Variants in SDK2 observed in about 807,000 individuals in gnomAD.
The protein encoded by SDK2 is sidekick cell adhesion molecule 2.
SDK2 carries 105 observed loss-of-function variants against 253.9 expected under a neutral mutation model. The observed-to-expected ratio is 0.41, with a 90% CI of 0.35 to 0.49. The LOEUF (loss-of-function observed/expected upper bound fraction) is 0.49. Ranked by LOEUF, SDK2 falls within the 20% of genes least tolerant of loss-of-function variation. The pLI is 0.06. For missense variants in SDK2, 2,608 were observed against 3,003.0 expected, an observed-to-expected ratio of 0.87 and a Z score of 3.07; for synonymous variants, 1,249 against 1,234.9, an observed-to-expected ratio of 1.01 and a Z score of -0.24.
intron 1 of SDK2, among the ~76,000 whole-genome samples, chr17:73,634,148 A>G (rs1038549649): frequency 7.2e-5 from 11 of 152,202 alleles, no homozygotes; most frequent in Non-Finnish European, 1.2e-4. Flanking sequence ...TTAGAGAAAG[A>G]AGAGGCCAGC....
rs547651508 is a variant in SDK2, at chr17:73,381,451, G to A, written c.4706-501C>T. 4.6e-5 allele frequency among the ~76,000 whole-genome samples: 7 copies of A among 151,024 alleles called. No homozygotes were observed. In the South Asian group the frequency reaches 1.3e-3, roughly 27 times the overall value. ...GAAGGAAAAAAAGTCCACCAAAAACGCAAGCTGTTGGATCAGCTACTTCAG... is the reference window on the plus strand; with the variant it reads ...GAAGGAAAAAAAGTCCACCAAAAACACAAGCTGTTGGATCAGCTACTTCAG... On this transcript the variant is annotated intron_variant, in intron 33 of 44. Transcript: ENST00000392650.
At chr17:73,370,703 G>A (rs565401767) in intron 36 of SDK2, among the ~76,000 whole-genome samples, 4 of 152,212 alleles carry the variant, frequency 2.6e-5, no homozygotes, top group African/African-American at 9.6e-5. Flanking sequence ...GACTACATGA[G>A]TGCTACCACA....
At chr17:73,390,895 C>T (rs1190539285) in intron 28 of SDK2, among the ~76,000 whole-genome samples, 5 of 152,210 alleles carry the variant, frequency 3.3e-5, no homozygotes, top group Admixed American at 6.5e-5. Flanking sequence ...TGCGTGAGGT[C>T]AGGACTGAGA....
At chr17:73,463,789 G>A (rs971371725) in intron 3 of SDK2, among the ~76,000 whole-genome samples, 34 of 152,144 alleles carry the variant, frequency 2.2e-4, no homozygotes, top group African/African-American at 6.8e-4. Flanking sequence ...GGAATTCTGT[G>A]GATCACGCTT....
At chr17:73,442,932 C>T (rs969839325) in intron 5 of SDK2, among the ~76,000 whole-genome samples, 2 of 150,572 alleles carry the variant, frequency 1.3e-5, no homozygotes, top group African/African-American at 2.4e-5. Context: ...AGATTTTCAT[C>T]TTGATGGGTC....
intron 1 of SDK2, among the ~76,000 whole-genome samples, chr17:73,634,243 A>G (rs2046304098): frequency 6.6e-6 from 1 of 152,230 alleles, no homozygotes; most frequent in Non-Finnish European, 1.5e-5. Flanking sequence ...TGGGTCCACC[A>G]GCCCAAAGCA....
At chr17:73,506,318 G>A (rs2063935522) in intron 2 of SDK2, among the ~76,000 whole-genome samples, 1 of 152,156 alleles carries the variant, frequency 6.6e-6, no homozygotes, top group African/African-American at 2.4e-5. Flanking sequence ...GCCCAGAGTG[G>A]CCAGCCCTGC....
chr17:73,464,135 C>T (rs1567788032), intron 3 of SDK2, among the ~76,000 whole-genome samples: 1 of 152,186 alleles, frequency 6.6e-6, no homozygotes, highest in African/African-American at 2.4e-5. Flanking sequence ...CTCGACCACC[C>T]ATGACTTCTC....
chr17:73,450,842 G>C (rs191931311), intron 4 of SDK2, among the ~76,000 whole-genome samples: 1 of 152,182 alleles, frequency 6.6e-6, no homozygotes, highest in Non-Finnish European at 1.5e-5. Context: ...GCACAGGAAG[G>C]CCCTCACAGG....
intron 15 of SDK2, among the ~76,000 whole-genome samples, chr17:73,420,747 C>CTCACTGCAACCTCCGTCTCCCGGGT (rs2063222889): frequency 6.6e-6 from 1 of 152,146 alleles, no homozygotes; most frequent in East Asian, 1.9e-4. Flanking sequence ...ACGATTTCAC[C>CTCACTGCAACCTCCGTCTCCCGGGT]TCACTGCAAC....
chr17:73,535,707 C>T (rs982404955), intron 1 of SDK2, among the ~76,000 whole-genome samples: 4 of 152,186 alleles, frequency 2.6e-5, no homozygotes, highest in South Asian at 2.1e-4. Flanking sequence ...CAGTGAGCAC[C>T]GGCTCTGGCA....
chr17:73,373,839 G>A (rs1431378180), intron 36 of SDK2, among the ~76,000 whole-genome samples: 4 of 151,724 alleles, frequency 2.6e-5, no homozygotes, highest in Non-Finnish European at 5.9e-5. Flanking sequence ...GTTTCACCAT[G>A]TTGGCCAGGC....
In SDK2 at chr17:73,472,103, T is replaced by C; in HGVS notation, c.331+9A>G. The C allele has an allele frequency of 1.9e-6, 3 of 1,547,558 alleles. No individual in the cohort carries two copies. The highest frequency in any genetic ancestry group is 1.2e-5 in the South Asian group (1 of 83,956). ...GCCCCCCCTGCCCCTGGGTCCCCAT[T>C]GTACTCACAGGCCACCTGGACCTCG... On this transcript the variant is annotated intron_variant, in intron 3 of 44. Coordinates refer to ENST00000392650, the MANE Select transcript of SDK2 (RefSeq NM_001144952.2).
intron 4 of SDK2, among the ~76,000 whole-genome samples, chr17:73,453,156 T>A (rs1010663655): frequency 6.6e-6 from 1 of 152,146 alleles, no homozygotes; most frequent in Non-Finnish European, 1.5e-5. Flanking sequence ...GTTCTTGCTT[T>A]GGCACATGGG....
intron 8 of SDK2, among the ~76,000 whole-genome samples, chr17:73,436,535 C>A (rs1231881704): frequency 6.8e-6 from 1 of 146,492 alleles, no homozygotes. Context: ...CAAGATCGTG[C>A]CACTGCACTC....
intron 1 of SDK2, among the ~76,000 whole-genome samples, chr17:73,605,390 G>A (rs1188739530): frequency 6.6e-6 from 1 of 152,160 alleles, no homozygotes; most frequent in Non-Finnish European, 1.5e-5. Flanking sequence ...GGAAATGGGT[G>A]TGGAGAAGAA....
intron 1 of SDK2, among the ~76,000 whole-genome samples, chr17:73,630,842 A>G (rs567447410): frequency 5.3e-4 from 81 of 152,082 alleles, no homozygotes; most frequent in Non-Finnish European, 1.2e-3. Context: ...CCTTTGCCCA[A>G]GGCCCAGGCT....
intron 1 of SDK2, among the ~76,000 whole-genome samples, chr17:73,602,489 A>C (rs2045854610): frequency 6.6e-6 from 1 of 151,672 alleles, no homozygotes; most frequent in African/African-American, 2.4e-5. Context: ...CTAATAAATG[A>C]ATACATGGAT....
chr17:73,504,050 G>T (rs1443573620), intron 2 of SDK2, among the ~76,000 whole-genome samples: 1 of 152,076 alleles, frequency 6.6e-6, no homozygotes, highest in South Asian at 2.1e-4. Flanking sequence ...AACTGCCAAG[G>T]TTCTGGAAGC....
Sources: gnomAD v4.1 joint callset for allele counts (sites outside exome capture counted in the v4.1 genomes callset) on GRCh38, gnomAD v4.1.1 for gene constraint, MANE v1.5 for transcripts, NCBI Gene and HGNC (gene_info 2026-07-23, HGNC 2026-07-21) for gene names.